The following LMBRD1 variants were observed in gnomAD, a reference collection of about 807,000 sequenced individuals.
LMBRD1 encodes lysosomal cobalamin transport escort protein LMBD1.
In LMBRD1, 64 loss-of-function variants were observed where a neutral mutation model predicts 74.8. The observed-to-expected ratio is 0.86, with a 90% CI of 0.70 to 1.05. The LOEUF (loss-of-function observed/expected upper bound fraction) is 1.05. Among genes scored for constraint, LMBRD1 ranks in the 50% least tolerant of loss-of-function variants. LMBRD1 has a pLI of 0.00. For missense variants in LMBRD1, 652 were observed against 645.9 expected (o/e 1.01, Z -0.10); for synonymous variants, 204 against 216.3 (o/e 0.94, Z 0.50).
chr6:69,695,595 A>G (rs192576978), intron 14 of LMBRD1, among the ~76,000 whole-genome samples: 1 of 152,282 alleles, frequency 6.6e-6, no homozygotes, highest in Admixed American at 6.5e-5. Flanking sequence ...AACACCTAAT[A>G]CAATGTAAAT....
chr6:69,790,602 C>T, intron 1 of LMBRD1, 130 bp from the exon 2 acceptor site: 1 of 877,814 alleles, frequency 1.1e-6, no homozygotes. Context: ...AAGGAAAGCC[C>T]ACTATCCCTT....
At chr6:69,737,448 G>A (rs1767000546) in intron 7 of LMBRD1, among the ~76,000 whole-genome samples, 1 of 151,840 alleles carries the variant, frequency 6.6e-6, no homozygotes, top group Non-Finnish European at 1.5e-5. Flanking sequence ...GAAGTATCAA[G>A]TTATATAAAA....
At chr6:69,728,061 C>T (rs961105571) in intron 7 of LMBRD1, among the ~76,000 whole-genome samples, 3 of 152,262 alleles carry the variant, frequency 2.0e-5, no homozygotes, top group African/African-American at 4.8e-5. Context: ...AATTGGCTCA[C>T]GATTCCACCA....
At chr6:69,793,536 TGAGCCAAATTACA>T (rs1471172899) in intron 1 of LMBRD1, among the ~76,000 whole-genome samples, 1 of 152,138 alleles carries the variant, frequency 6.6e-6, no homozygotes, top group Admixed American at 6.5e-5. Context: ...AAAGGTGGTG[TGAGCCAAATTACA>T]GAGGACATTG....
intron 7 of LMBRD1, among the ~76,000 whole-genome samples, chr6:69,727,907 A>C (rs1389729034): frequency 6.6e-6 from 1 of 152,174 alleles, no homozygotes; most frequent in Non-Finnish European, 1.5e-5. Context: ...TATTGATAAA[A>C]AGTAACAGAA....
chr6:69,701,390 T>C (rs1057244740), intron 11 of LMBRD1, 53 bp downstream of exon 11: 1 of 1,025,662 alleles, frequency 9.7e-7, no homozygotes, highest in African/African-American at 1.6e-5. Flanking sequence ...TGCTAGACTC[T>C]AGCATTTTAT....
intron 2 of LMBRD1, among the ~76,000 whole-genome samples, chr6:69,786,404 G>A (rs1765946489): frequency 1.3e-5 from 2 of 151,698 alleles, no homozygotes; most frequent in Admixed American, 1.3e-4. Context: ...ATGTTTTCAT[G>A]ACATACCTTA....
chr6:69,786,051 T>C (rs990483408), intron 2 of LMBRD1, among the ~76,000 whole-genome samples: 3 of 152,200 alleles, frequency 2.0e-5, no homozygotes, highest in African/African-American at 4.8e-5. Context: ...TATCAATCTA[T>C]TTCCTCATAG....
intron 2 of LMBRD1, among the ~76,000 whole-genome samples, chr6:69,786,669 T>G (rs1362261967): frequency 6.6e-6 from 1 of 152,124 alleles, no homozygotes; most frequent in Non-Finnish European, 1.5e-5. Flanking sequence ...CTAAAATTAT[T>G]AATAATGCCA....
chr6:69,676,029 T>C lies in LMBRD1; in HGVS notation c.*129A>G, dbSNP rs1765536070. 5.7e-6 allele frequency: 4 copies of C among 704,470 alleles called. No individual in the cohort carries two copies. Among genetic ancestry groups the C allele is most frequent in the African/African-American group, 1.8e-5 (1 of 55,978 alleles). The allele number at this position is 704,470 out of a possible 1,614,324, so 43.6% of individuals were successfully genotyped here. On this transcript the variant is annotated 3_prime_UTR_variant, in exon 16 of 16. Transcript: ENST00000649934. ...ACTTCAGAAAACATATAATAAAATA[T>C]AGTTGTCTTATAGCCATGCTCCCAT...
chr6:69,702,622 T>A (rs1486436474), intron 9 of LMBRD1, among the ~76,000 whole-genome samples: 1 of 151,872 alleles, frequency 6.6e-6, no homozygotes, highest in Non-Finnish European at 1.5e-5. Flanking sequence ...TATAACTGAG[T>A]CTCTAATGAA....
intron 14 of LMBRD1, among the ~76,000 whole-genome samples, chr6:69,688,833 G>T (rs1376654992): frequency 1.3e-5 from 2 of 151,916 alleles, no homozygotes; most frequent in Non-Finnish European, 2.9e-5. Flanking sequence ...TAAAAATGAG[G>T]TAATATATAT....
chr6:69,776,945 G>A (rs759517031), intron 3 of LMBRD1, among the ~76,000 whole-genome samples: 1 of 152,034 alleles, frequency 6.6e-6, no homozygotes, highest in African/African-American at 2.4e-5. Context: ...TCAGGAGTTC[G>A]AGACTAGTAT....
chr6:69,779,185 C>CAAAAAAAAAAA (rs11397050), intron 3 of LMBRD1, among the ~76,000 whole-genome samples: 139 of 99,874 alleles, frequency 1.4e-3, no homozygotes, highest in African/African-American at 4.5e-3. Flanking sequence ...GACTCAGTCT[C>CAAAAAAAAAAA]AAAAAAAAAA....
At chr6:69,739,207 A>T (rs1056907747) in intron 6 of LMBRD1, among the ~76,000 whole-genome samples, 1 of 152,176 alleles carries the variant, frequency 6.6e-6, no homozygotes, top group Non-Finnish European at 1.5e-5. Context: ...TATGTGTCTT[A>T]GAAATGGTAA....
At chr6:69,705,661 C>T (rs943277553) in intron 9 of LMBRD1, 8 of 839,744 alleles carry the variant, frequency 9.5e-6, no homozygotes, top group African/African-American at 8.5e-5. Context: ...TCATCATTAT[C>T]ATCATCATCA....
At chr6:69,699,309 C>A in intron 12 of LMBRD1, 117 bp from the exon 13 acceptor site, 1 of 892,574 alleles carries the variant, frequency 1.1e-6, no homozygotes, top group South Asian at 1.5e-5. Context: ...ATTTTTCTTC[C>A]AAAGTAAATA....
intron 7 of LMBRD1, among the ~76,000 whole-genome samples, chr6:69,730,679 A>G (rs1766836013): frequency 1.3e-5 from 2 of 152,126 alleles, no homozygotes; most frequent in Admixed American, 1.3e-4. Flanking sequence ...GTCTTAAAAG[A>G]TAATATGATT....
intron 4 of LMBRD1, among the ~76,000 whole-genome samples, chr6:69,750,007 T>C (rs1306662131): frequency 1.3e-3 from 3 of 2,396 alleles, no homozygotes; most frequent in African/African-American, 2.5e-3. Context: ...TATACACATA[T>C]ACATACTCAT....
Sources: gnomAD v4.1 joint callset for allele counts (sites outside exome capture counted in the v4.1 genomes callset) on GRCh38, gnomAD v4.1.1 for gene constraint, MANE v1.5 for transcripts, NCBI Gene and HGNC (gene_info 2026-07-23, HGNC 2026-07-21) for gene names.